Variants in MRRF observed in about 807,000 individuals in gnomAD.
MRRF encodes the protein mitochondrial ribosome recycling factor, also known as ribosome-recycling factor, mitochondrial.
In MRRF, 18 loss-of-function variants were observed where a neutral mutation model predicts 25.1. That is an observed-to-expected ratio of 0.72 (90% CI 0.50 to 1.06). The LOEUF is 1.06. MRRF is among the 50% of genes least tolerant of loss of function. The pLI is 0.00. For missense variants in MRRF, 323 were observed against 319.3 expected, an observed-to-expected ratio of 1.01 and a Z score of -0.09; for synonymous variants, 113 against 112.1, an observed-to-expected ratio of 1.01 and a Z score of -0.05.
At chr9:122,293,555 C>T (rs920921030) in intron 5 of MRRF, among the ~76,000 whole-genome samples, 1 of 152,188 alleles carries the variant, frequency 6.6e-6, no homozygotes, top group Non-Finnish European at 1.5e-5. Flanking sequence ...GTTCTCAGTA[C>T]TCTGTGAGGC....
chr9:122,288,108 A>G (rs79931403), intron 4 of MRRF, among the ~76,000 whole-genome samples: 8 of 152,178 alleles, frequency 5.3e-5, no homozygotes, highest in Middle Eastern at 3.4e-3. Context: ...TTTGTTTAAC[A>G]TGTGTCCTGC....
chr9:122,269,033 G>A (rs375207866), intron 1 of MRRF, among the ~76,000 whole-genome samples: 4 of 152,070 alleles, frequency 2.6e-5, no homozygotes, highest in African/African-American at 9.6e-5. Flanking sequence ...GGGCGTGGTG[G>A]CAGGCGCCTG....
At position 122,303,465 on chromosome 9, in the gene MRRF, T is replaced by C. The variant is rs569889156; in HGVS notation, c.552-9762T>C. 3.9e-5 allele frequency among the ~76,000 whole-genome samples: 6 copies of C among 152,198 alleles called. No homozygotes were observed. In the South Asian group the frequency reaches 1.2e-3, roughly 32 times the overall value. Reference sequence around the variant, plus strand: ...GTGGCACAATCACAATTAGTGGCCCTAACCTCCTGGGCTCAAGCGATCCTC... The same window carrying C: ...GTGGCACAATCACAATTAGTGGCCCCAACCTCCTGGGCTCAAGCGATCCTC... On this transcript the variant is annotated intron_variant, in intron 5 of 6. Transcript: ENST00000344641.
chr9:122,293,028 C>G (rs778009691), intron 5 of MRRF, among the ~76,000 whole-genome samples: 1 of 152,124 alleles, frequency 6.6e-6, no homozygotes, highest in Non-Finnish European at 1.5e-5. Context: ...CTCTCTTCCT[C>G]GGGCTTCCCT....
In MRRF at chr9:122,329,894, G is replaced by A. The variant is rs1444637960; in HGVS notation, c.*7277G>A. The stretch of plus-strand genomic sequence containing the variant: ...CTAGCACAGTATGTGGCGAGAGCAG[G>A]TGTTGAGGAAATGTTTGTCTAATTC... On this transcript the variant is annotated 3_prime_UTR_variant, in exon 7 of 7. Transcript: ENST00000344641. 1 of 152,280 alleles carries A rather than the reference G, an allele frequency of 6.6e-6. No individual in the cohort carries two copies. The highest frequency in any genetic ancestry group is 1.5e-5 in the Non-Finnish European group (1 of 68,072). The allele number at this position is 152,280 out of a possible 1,614,324, so 9.4% of individuals were successfully genotyped here. A position where few individuals can be genotyped will look rare whatever the true frequency, so the allele number is the denominator to read the frequency against.
intron 2 of MRRF, among the ~76,000 whole-genome samples, chr9:122,277,920 T>G (rs1313058613): frequency 6.6e-6 from 1 of 152,120 alleles, no homozygotes; most frequent in African/African-American, 2.4e-5. Flanking sequence ...TTTAAAAATT[T>G]TTTTTATTGA....
chr9:122,282,351 C>A (rs1480107301), intron 3 of MRRF, among the ~76,000 whole-genome samples: 8 of 152,194 alleles, frequency 5.3e-5, no homozygotes, highest in Non-Finnish European at 1.5e-5. Flanking sequence ...ATTGATTTAT[C>A]GTCAAAGCAT....
chr9:122,328,100 G>A lies in MRRF; in HGVS notation c.*5483G>A, dbSNP rs1336887946. 3 of 151,996 alleles carry A rather than the reference G, an allele frequency of 2.0e-5. No individual in the cohort carries two copies. Among genetic ancestry groups the A allele is most frequent in the African/African-American group, 7.2e-5 (3 of 41,388 alleles). The allele number at this position is 151,996 out of a possible 1,614,324, so 9.4% of individuals were successfully genotyped here. A position where few individuals can be genotyped will look rare whatever the true frequency, so the allele number is the denominator to read the frequency against. ...TCCTCCCACCTCAGCCTCCTGAGTA[G>A]CTGGGATTACAGCCACGTGCACCGC... On this transcript the variant is annotated 3_prime_UTR_variant, in exon 7 of 7. Coordinates refer to ENST00000344641, the MANE Select transcript of MRRF (RefSeq NM_138777.5).
intron 5 of MRRF, among the ~76,000 whole-genome samples, chr9:122,302,352 C>G (rs1834526688): frequency 6.6e-6 from 1 of 152,274 alleles, no homozygotes. Flanking sequence ...TGACTTTGAC[C>G]GCAGAACCTT....
In MRRF at chr9:122,313,403, T is replaced by TGTA; in HGVS notation, c.711+23_711+25dup. 1 of 1,612,826 alleles carries TGTA rather than the reference T, an allele frequency of 6.2e-7. No homozygotes were observed. ...GAGAAACAGGTACTATTGCCAGCAA[T>TGTA]GTAGTAGTGTCTGTGTATTCAGCAT... is the stretch of plus-strand genomic sequence containing the variant. On this transcript the variant is annotated intron_variant, in intron 6 of 6. Coordinates refer to ENST00000344641, the MANE Select transcript of MRRF (RefSeq NM_138777.5).
chr9:122,315,413 C>T (rs1205621126), intron 6 of MRRF, among the ~76,000 whole-genome samples: 1 of 152,192 alleles, frequency 6.6e-6, no homozygotes, highest in Non-Finnish European at 1.5e-5. Flanking sequence ...GATTGTTCTG[C>T]ACTTGATGTC....
At chr9:122,281,523 C>A (rs1315574693) in intron 3 of MRRF, among the ~76,000 whole-genome samples, 1 of 152,194 alleles carries the variant, frequency 6.6e-6, no homozygotes, top group African/African-American at 2.4e-5. Flanking sequence ...AAGACTGTTC[C>A]CGTCACTTGT....
At chr9:122,273,225 T>C (rs1832570933) in intron 2 of MRRF, among the ~76,000 whole-genome samples, 1 of 151,994 alleles carries the variant, frequency 6.6e-6, no homozygotes, top group African/African-American at 2.4e-5. Flanking sequence ...GCCAAGGTGG[T>C]TGGATTGCTT....
At chr9:122,267,176 T>G (rs943275614) in intron 1 of MRRF, among the ~76,000 whole-genome samples, 11 of 151,924 alleles carry the variant, frequency 7.2e-5, no homozygotes, top group Non-Finnish European at 1.5e-4. Context: ...GTAAGGAGTT[T>G]GAGACCAGCC....
rs151009758 is a variant in MRRF, at chr9:122,313,305, G to A, written c.630G>A (p.Lys210=). 6.2e-7 allele frequency: 1 copy of A among 1,613,992 alleles called. No individual in the cohort carries two copies. Among genetic ancestry groups the A allele is most frequent in the Admixed American group, 1.7e-5 (1 of 59,994 alleles). The part of the protein sequence containing the change: ...NTNKAKDSLR[K]VRTNSMNKLK... The stretch of plus-strand genomic sequence containing the variant: ...ACAAGGCCAAAGACTCTTTACGGAA[G>A]GTTCGCACCAACTCAATGAACAAGC... Residue 210 remains lysine, a synonymous_variant, in exon 6 of 7, where the codon AAG becomes AAA. Coordinates refer to ENST00000344641, the MANE Select transcript of MRRF (RefSeq NM_138777.5).
At chr9:122,291,920 A>G in intron 5 of MRRF, 80 bp downstream of exon 5, 1 of 947,018 alleles carries the variant, frequency 1.1e-6, no homozygotes, top group Non-Finnish European at 1.8e-6. Flanking sequence ...ACCCTACTAT[A>G]CCGTTAGGCC....
At chr9:122,298,846 A>G (rs941596191) in intron 5 of MRRF, among the ~76,000 whole-genome samples, 1 of 152,176 alleles carries the variant, frequency 6.6e-6, no homozygotes, top group Non-Finnish European at 1.5e-5. Flanking sequence ...TAAGGCAGTA[A>G]AAGGAAATAA....
intron 4 of MRRF, among the ~76,000 whole-genome samples, chr9:122,288,308 A>C (rs1833540260): frequency 6.6e-6 from 1 of 152,242 alleles, no homozygotes; most frequent in Non-Finnish European, 1.5e-5. Context: ...GAAGGAAGAA[A>C]ATGAATGTGT....
In MRRF at chr9:122,285,215, T is replaced by C. The variant is rs767562191; in HGVS notation, c.387T>C (p.Ala129=). The change falls in exon 4 of 7, where the codon GCT becomes GCC. Residue 129 remains alanine, a synonymous_variant. Coordinates refer to ENST00000344641, the MANE Select transcript of MRRF (RefSeq NM_138777.5). The part of the protein sequence containing the change: ...IAVVTADGKL[A]LNQISQISMK... The stretch of plus-strand genomic sequence containing the variant: ...TGGTAACTGCTGACGGGAAGCTTGC[T>C]TTAAACCAGATTAGCCAGATCTCCA... 6.2e-7 allele frequency: 1 copy of C among 1,614,082 alleles called. No individual in the cohort carries two copies. The highest frequency in any genetic ancestry group is 2.2e-5 in the East Asian group (1 of 44,888).
Sources: allele counts gnomAD v4.1 joint callset (sites outside exome capture counted in the v4.1 genomes callset), GRCh38; gene constraint gnomAD v4.1.1; transcripts MANE v1.5; gene names NCBI Gene and HGNC (gene_info 2026-07-23, HGNC 2026-07-21).